The following KCNH1 variants were observed in gnomAD, a reference collection of about 807,000 sequenced individuals.
The protein encoded by KCNH1 is potassium voltage-gated channel subfamily H member 1, also known as voltage-gated delayed rectifier potassium channel KCNH1.
A neutral mutation model predicts 69.2 loss-of-function variants in KCNH1; 27 were observed. The ratio of observed to expected loss-of-function variants is 0.39; its 90% CI spans 0.29 to 0.54. The LOEUF (loss-of-function observed/expected upper bound fraction) is 0.54, where lower values mean the gene tolerates loss of function less well. Among genes scored for constraint, KCNH1 ranks in the 20% least tolerant of loss-of-function variants. The probability of loss-of-function intolerance (pLI) is 0.68; values close to 1 mark genes in which losing one functional copy is unlikely to be tolerated. For synonymous variants in KCNH1, 456 were observed against 487.7 expected, an observed-to-expected ratio of 0.93 and a Z score of 0.86; for missense variants, 798 against 1,261.6, an observed-to-expected ratio of 0.63 and a Z score of 5.57.
intron 7 of KCNH1, among the ~76,000 whole-genome samples, chr1:210,835,723 G>T (rs1685266547): frequency 6.6e-6 from 1 of 152,134 alleles, no homozygotes; most frequent in Non-Finnish European, 1.5e-5. Flanking sequence ...ATCTTAATTG[G>T]TTCATTATTC....
chr1:210,963,592 C>CATAAAT (rs1255720614), intron 6 of KCNH1, among the ~76,000 whole-genome samples: 1 of 152,000 alleles, frequency 6.6e-6, no homozygotes, highest in Non-Finnish European at 1.5e-5. Context: ...TATAGAAGAA[C>CATAAAT]ATAAATGACC....
intron 7 of KCNH1, among the ~76,000 whole-genome samples, chr1:210,904,777 T>C (rs557686288): frequency 3.7e-4 from 57 of 152,356 alleles, no homozygotes; most frequent in Middle Eastern, 3.4e-3. Flanking sequence ...CCAGGCACCA[T>C]GCCAGGAATT....
At chr1:210,814,262 TC>T in intron 7 of KCNH1, among the ~76,000 whole-genome samples, 1 of 152,250 alleles carries the variant, frequency 6.6e-6, no homozygotes. Context: ...TCATTTACTC[TC>T]TTTAAATTTC....
intron 1 of KCNH1, chr1:211,108,514 T>C (rs556181507): frequency 2.0e-5 from 3 of 152,338 alleles, no homozygotes; most frequent in East Asian, 1.9e-4. Context: ...TCCCTTCAGA[T>C]AGGCTTCTCC....
At chr1:210,847,984 G>A (rs1342851065) in intron 7 of KCNH1, among the ~76,000 whole-genome samples, 2 of 152,116 alleles carry the variant, frequency 1.3e-5, no homozygotes, top group Non-Finnish European at 2.9e-5. Flanking sequence ...CGTTTAAGAT[G>A]AAAAACAGTG....
At chr1:211,104,620 AG>A (rs1278195715) in intron 2 of KCNH1, among the ~76,000 whole-genome samples, 1 of 152,152 alleles carries the variant, frequency 6.6e-6, no homozygotes, top group Non-Finnish European at 1.5e-5. Flanking sequence ...AAAATGCCAG[AG>A]GAGGGGGAAA....
At chr1:210,961,848 GA>G (rs56737443) in intron 6 of KCNH1, among the ~76,000 whole-genome samples, 76,317 of 147,662 alleles carry the variant, frequency 0.52, 19,460 homozygotes, top group South Asian at 0.59. Flanking sequence ...CAAAAAAAAA[GA>G]AAAAAAAAAA....
rs1681257204 is a variant in KCNH1, at chr1:210,681,206, A to G, written c.*2075T>C. On this transcript the variant is annotated 3_prime_UTR_variant, in exon 11 of 11. Transcript: ENST00000271751. ...TAGAATGTTAGGGGGCAGCCAACAGATGGGATTCCAGATATTTTACGGCCT... is the reference window on the plus strand; with the variant it reads ...TAGAATGTTAGGGGGCAGCCAACAGGTGGGATTCCAGATATTTTACGGCCT... The G allele has an allele frequency of 2.0e-5, 3 of 152,244 alleles. No individual in the cohort carries two copies. Among genetic ancestry groups the G allele is most frequent in the Admixed American group, 2.0e-4 (3 of 15,286 alleles). The allele number at this position is 152,244 out of a possible 1,614,324, so 9.4% of individuals were successfully genotyped here. A position where few individuals can be genotyped will look rare whatever the true frequency, so the allele number is the denominator to read the frequency against.
chr1:211,093,144 T>A (rs557049473), intron 3 of KCNH1, among the ~76,000 whole-genome samples: 1 of 152,278 alleles, frequency 6.6e-6, no homozygotes, highest in African/African-American at 2.4e-5. Context: ...GCCCGATGCC[T>A]GGGAACTTGC....
Position 211,102,676 on chromosome 1 carries a change from A to G in KCNH1, c.310+820T>C, listed in dbSNP as rs552278201. Among the ~76,000 whole-genome samples the G allele has an allele frequency of 2.6e-5, 4 of 152,312 alleles. No individual in the cohort carries two copies. The East Asian group carries it at 7.7e-4, about 29-fold the overall frequency. On this transcript the variant is annotated intron_variant, in intron 3 of 10. Transcript: ENST00000271751. ...AAACAACGCATGCCCTTTACTTTCCAGGGCAAAACATATCACTCAAACCTG... is the reference window on the plus strand; with the variant it reads ...AAACAACGCATGCCCTTTACTTTCCGGGGCAAAACATATCACTCAAACCTG...
At chr1:211,062,645 C>A (rs1180094394) in intron 5 of KCNH1, among the ~76,000 whole-genome samples, 3 of 152,064 alleles carry the variant, frequency 2.0e-5, no homozygotes, top group Non-Finnish European at 4.4e-5. Flanking sequence ...TTAAAATGGA[C>A]AAAAGATCTA....
chr1:210,717,112 T>C (rs1183637101), intron 10 of KCNH1, among the ~76,000 whole-genome samples: 1 of 152,156 alleles, frequency 6.6e-6, no homozygotes, highest in East Asian at 1.9e-4. Flanking sequence ...CCAGGAAGCC[T>C]CTGGGGTCAG....
intron 5 of KCNH1, among the ~76,000 whole-genome samples, chr1:211,047,627 G>C (rs1558581808): frequency 6.6e-6 from 1 of 152,142 alleles, no homozygotes; most frequent in Non-Finnish European, 1.5e-5. Context: ...ATACCACATA[G>C]ACCAGAGAGA....
chr1:210,708,520 A>T (rs555492473), intron 10 of KCNH1, among the ~76,000 whole-genome samples: 252 of 152,252 alleles, frequency 1.7e-3, no homozygotes, highest in Non-Finnish European at 3.0e-3. Context: ...TTATAGTCAT[A>T]GTCTCCATAA....
intron 10 of KCNH1, among the ~76,000 whole-genome samples, chr1:210,738,095 C>A: frequency 6.6e-6 from 1 of 152,142 alleles, no homozygotes; most frequent in East Asian, 1.9e-4. Context: ...CTACCACTCT[C>A]CTCTCATTCA....
intron 6 of KCNH1, among the ~76,000 whole-genome samples, chr1:210,933,701 A>G (rs1364150078): frequency 6.6e-6 from 1 of 152,090 alleles, no homozygotes; most frequent in Non-Finnish European, 1.5e-5. Flanking sequence ...GAAAAAGGAG[A>G]CATTACAATG....
chr1:211,103,450 A>G (rs1255040965), intron 3 of KCNH1, 46 bp downstream of exon 3: 9 of 1,240,360 alleles, frequency 7.3e-6, no homozygotes, highest in Non-Finnish European at 1.0e-5. Context: ...ATATTTTACT[A>G]TTTCAAACAC....
intron 7 of KCNH1, among the ~76,000 whole-genome samples, chr1:210,913,133 C>A (rs1236861891): frequency 6.6e-6 from 1 of 152,060 alleles, no homozygotes; most frequent in East Asian, 1.9e-4. Context: ...TGGGGGCACC[C>A]AACTGAAACG....
intron 6 of KCNH1, among the ~76,000 whole-genome samples, chr1:210,975,390 C>T (rs990639192): frequency 6.6e-6 from 1 of 152,056 alleles, no homozygotes; most frequent in African/African-American, 2.4e-5. Flanking sequence ...GGTACTGGTA[C>T]CAAAACAGAG....
Sources: gnomAD v4.1 joint callset for allele counts (sites outside exome capture counted in the v4.1 genomes callset) on GRCh38, gnomAD v4.1.1 for gene constraint, MANE v1.5 for transcripts, NCBI Gene and HGNC (gene_info 2026-07-23, HGNC 2026-07-21) for gene names.